CCSER1: variants seen among roughly 807,000 people sequenced by gnomAD.
The protein encoded by CCSER1 is coiled-coil serine rich protein 1, also known as serine-rich coiled-coil domain-containing protein 1.
CCSER1 carries 41 observed loss-of-function variants against 82.0 expected under a neutral mutation model. The observed-to-expected ratio is 0.50, with a 90% CI of 0.39 to 0.65. CCSER1 has a LOEUF of 0.65. CCSER1 is among the 30% of genes least tolerant of loss of function. The pLI is 0.00. For synonymous variants in CCSER1, 414 were observed against 383.9 expected (o/e 1.08, Z -0.92); for missense variants, 1,119 against 1,064.2 (o/e 1.05, Z -0.72).
intron 9 of CCSER1, among the ~76,000 whole-genome samples, chr4:90,991,062 G>A (rs774862078): frequency 1.3e-5 from 2 of 151,702 alleles, no homozygotes; most frequent in South Asian, 2.1e-4. Flanking sequence ...TTTTTAACAC[G>A]CAGTCAGGTA....
chr4:90,531,775 A>C (rs1372056570), intron 5 of CCSER1, among the ~76,000 whole-genome samples: 2 of 152,180 alleles, frequency 1.3e-5, no homozygotes, highest in Non-Finnish European at 1.5e-5. Context: ...GCATGCATAC[A>C]TACACATATT....
At chr4:91,362,415 T>C (rs758583907) in intron 10 of CCSER1, among the ~76,000 whole-genome samples, 15 of 151,762 alleles carry the variant, frequency 9.9e-5, no homozygotes, top group Non-Finnish European at 2.1e-4. Flanking sequence ...ACACACACAA[T>C]GTAGGATCTC....
At chr4:90,932,114 T>G (rs1729896382) in intron 9 of CCSER1, among the ~76,000 whole-genome samples, 1 of 152,142 alleles carries the variant, frequency 6.6e-6, no homozygotes, top group Admixed American at 6.5e-5. Context: ...AAAATAAGAA[T>G]ACCAGGAAAT....
At chr4:90,604,626 G>A (rs1784403083) in intron 5 of CCSER1, among the ~76,000 whole-genome samples, 1 of 152,170 alleles carries the variant, frequency 6.6e-6, no homozygotes, top group Non-Finnish European at 1.5e-5. Flanking sequence ...AAGCCAGCTG[G>A]GCTCCTGAGT....
intron 5 of CCSER1, among the ~76,000 whole-genome samples, chr4:90,609,837 A>C (rs1003636528): frequency 6.6e-6 from 1 of 152,232 alleles, no homozygotes; most frequent in Admixed American, 6.5e-5. Context: ...CATTGACCTT[A>C]AAATACTGAA....
chr4:91,226,674 C>T (rs953364462), intron 10 of CCSER1, among the ~76,000 whole-genome samples: 2 of 151,780 alleles, frequency 1.3e-5, no homozygotes, highest in African/African-American at 2.4e-5. Flanking sequence ...TCAGCACTTA[C>T]GTATTATGAA....
chr4:90,568,832 G>A (rs559923288), intron 5 of CCSER1, among the ~76,000 whole-genome samples: 15 of 149,154 alleles, frequency 1.0e-4, no homozygotes, highest in South Asian at 8.5e-4. Flanking sequence ...GCACCGTGCC[G>A]TGTCGGCTCA....
chr4:91,424,739 T>C (rs1422694198), intron 10 of CCSER1, among the ~76,000 whole-genome samples: 1 of 152,142 alleles, frequency 6.6e-6, no homozygotes. Flanking sequence ...TATTATAAAA[T>C]GCAAGGTCAT....
chr4:90,864,448 A>G (rs919153982), intron 8 of CCSER1, among the ~76,000 whole-genome samples: 1 of 151,860 alleles, frequency 6.6e-6, no homozygotes, highest in African/African-American at 2.4e-5. Context: ...TAAGTTCGCT[A>G]TCTAAAGAGT....
intron 8 of CCSER1, among the ~76,000 whole-genome samples, chr4:90,821,918 G>A (rs1236929303): frequency 6.6e-6 from 1 of 152,102 alleles, no homozygotes; most frequent in African/African-American, 2.4e-5. Flanking sequence ...ATGGTGAAGT[G>A]TAGTCTTGTG....
At chr4:90,594,478 T>C (rs902772291) in intron 5 of CCSER1, among the ~76,000 whole-genome samples, 2 of 152,148 alleles carry the variant, frequency 1.3e-5, no homozygotes, top group Non-Finnish European at 2.9e-5. Context: ...AACATAAGTA[T>C]GGACAGGGTT....
chr4:90,187,966 T>C (rs1734924067), intron 1 of CCSER1, among the ~76,000 whole-genome samples: 1 of 151,976 alleles, frequency 6.6e-6, no homozygotes, highest in Non-Finnish European at 1.5e-5. Context: ...CTCTTTGTGC[T>C]CTTGAGACTG....
chr4:90,565,068 G>A (rs1280142586), intron 5 of CCSER1, among the ~76,000 whole-genome samples: 1 of 151,322 alleles, frequency 6.6e-6, no homozygotes, highest in African/African-American at 2.4e-5. Context: ...ATTGTCATTG[G>A]TATATTGATA....
intron 1 of CCSER1, among the ~76,000 whole-genome samples, chr4:90,167,877 T>A (rs888759398): frequency 3.9e-5 from 6 of 152,100 alleles, no homozygotes; most frequent in Non-Finnish European, 5.9e-5. Flanking sequence ...TCTATCATTG[T>A]TGGACATTTG....
chr4:91,591,042 T>C (rs569945711), intron 10 of CCSER1, among the ~76,000 whole-genome samples: 40 of 152,210 alleles, frequency 2.6e-4, no homozygotes, highest in African/African-American at 8.2e-4. Flanking sequence ...CCCCCACCCC[T>C]TGGGGACATT....
intron 3 of CCSER1, among the ~76,000 whole-genome samples, chr4:90,343,160 C>G (rs1285909631): frequency 6.6e-6 from 1 of 152,060 alleles, no homozygotes; most frequent in African/African-American, 2.4e-5. Context: ...ATCTTGCAAA[C>G]TTTCTCTTCT....
chr4:91,036,010 C>A (rs1005492620), intron 9 of CCSER1, among the ~76,000 whole-genome samples: 1 of 152,216 alleles, frequency 6.6e-6, no homozygotes, highest in African/African-American at 2.4e-5. Flanking sequence ...GGGAGTTTAA[C>A]TCACAGGAGT....
At chr4:90,580,240 C>T (rs1284334800) in intron 5 of CCSER1, among the ~76,000 whole-genome samples, 1 of 152,084 alleles carries the variant, frequency 6.6e-6, no homozygotes, top group Non-Finnish European at 1.5e-5. Context: ...ATTTCCAAAG[C>T]TGAAATACCA....
At chr4:90,133,262 A>C (rs11724069) in intron 1 of CCSER1, among the ~76,000 whole-genome samples, 2,480 of 152,264 alleles carry the variant, frequency 0.016, 41 homozygotes, top group Non-Finnish European at 0.021. Context: ...TTCTGACCAA[A>C]TTTTTAATGA....
Sources: allele counts gnomAD v4.1 joint callset (sites outside exome capture counted in the v4.1 genomes callset), GRCh38; gene constraint gnomAD v4.1.1; transcripts MANE v1.5; gene names NCBI Gene and HGNC (gene_info 2026-07-23, HGNC 2026-07-21).